The following RUSC2 variants were observed in gnomAD, a reference collection of about 807,000 sequenced individuals.
RUSC2 encodes AP-4 complex accessory subunit RUSC2.
In RUSC2, 34 loss-of-function variants were observed where a neutral mutation model predicts 122.2. That is an observed-to-expected ratio of 0.28 (90% confidence interval 0.21 to 0.37). The LOEUF (loss-of-function observed/expected upper bound fraction) is 0.37. Among genes scored for constraint, RUSC2 ranks in the 10% least tolerant of loss-of-function variants. The probability of loss-of-function intolerance (pLI) is 1.00; values close to 1 mark genes in which losing one functional copy is unlikely to be tolerated. For missense variants in RUSC2, 1,747 were observed against 1,952.4 expected, an observed-to-expected ratio of 0.89 and a Z score of 1.98; for synonymous variants, 784 against 790.0, an observed-to-expected ratio of 0.99 and a Z score of 0.13.
chr9:35,517,210 G>A (rs1359383120), intron 1 of RUSC2, among the ~76,000 whole-genome samples: 1 of 152,206 alleles, frequency 6.6e-6, no homozygotes, highest in East Asian at 1.9e-4. Flanking sequence ...TTGAATCCCA[G>A]GGTAGAGACT....
intron 1 of RUSC2, among the ~76,000 whole-genome samples, chr9:35,498,047 G>C (rs1428415418): frequency 1.3e-5 from 2 of 152,098 alleles, no homozygotes; most frequent in Non-Finnish European, 2.9e-5. Flanking sequence ...ACTAAAAAAT[G>C]CTTAGGGTAT....
At chr9:35,517,280 TCC>T (rs2132512473) in intron 1 of RUSC2, among the ~76,000 whole-genome samples, 1 of 152,308 alleles carries the variant, frequency 6.6e-6, no homozygotes, top group Admixed American at 6.5e-5. Context: ...CTTCGGGAGT[TCC>T]AGAGACCTGG....
chr9:35,504,735 A>G (rs1820880764), intron 1 of RUSC2, among the ~76,000 whole-genome samples: 1 of 152,154 alleles, frequency 6.6e-6, no homozygotes, highest in Admixed American at 6.5e-5. Context: ...GAAGTGCTGG[A>G]ATTATAGGCA....
rs374804820 is a variant in RUSC2 at position 35,558,395 on chromosome 9, G to A, written c.3235+24G>A. The A allele has an allele frequency of 6.2e-7, 1 of 1,613,848 alleles. No individual in the cohort carries two copies. Among genetic ancestry groups the A allele is most frequent in the African/African-American group, 1.3e-5 (1 of 75,006 alleles). Reference sequence around the variant, plus strand: ...AGGTAGGTGCTGGGTGCCAAGACGGGGACCCAGGGCTGAATTTAGGGCTCC... The same window carrying A: ...AGGTAGGTGCTGGGTGCCAAGACGGAGACCCAGGGCTGAATTTAGGGCTCC... On this transcript the variant is annotated intron_variant, in intron 7 of 11. Coordinates refer to ENST00000361226, the MANE Select transcript of RUSC2 (RefSeq NM_014806.5). The surrounding 1 kb of genome is among the most constrained non-coding windows in gnomAD (Gnocchi z 4.3).
chr9:35,494,030 G>GTTTA (rs746701399), intron 1 of RUSC2, among the ~76,000 whole-genome samples: 39 of 151,878 alleles, frequency 2.6e-4, no homozygotes, highest in East Asian at 7.7e-4. Context: ...TTATGTTTAT[G>GTTTA]TTTATTTATT....
chr9:35,507,651 A>G, intron 1 of RUSC2: 1 of 233,114 alleles, frequency 4.3e-6, no homozygotes, highest in South Asian at 6.6e-5. Flanking sequence ...CAAGAAGGGC[A>G]AGGATTCTCT....
At chr9:35,508,056 T>C (rs1468793585) in intron 1 of RUSC2, among the ~76,000 whole-genome samples, 2 of 152,198 alleles carry the variant, frequency 1.3e-5, no homozygotes, top group African/African-American at 4.8e-5. Context: ...ATTACTCTCT[T>C]CTACCTCTCA....
At chr9:35,514,157 A>G (rs1002804245) in intron 1 of RUSC2, among the ~76,000 whole-genome samples, 2 of 152,030 alleles carry the variant, frequency 1.3e-5, no homozygotes, top group Admixed American at 6.6e-5. Flanking sequence ...GCCCCATGAA[A>G]CTTGCTGTCT....
At chr9:35,517,225 G>T (rs1169062584) in intron 1 of RUSC2, among the ~76,000 whole-genome samples, 1 of 152,204 alleles carries the variant, frequency 6.6e-6, no homozygotes, top group African/African-American at 2.4e-5. Flanking sequence ...GAGACTTACA[G>T]AAAAAGTAGG....
chr9:35,540,001 G>C (rs1031276329), intron 1 of RUSC2, among the ~76,000 whole-genome samples: 6 of 152,218 alleles, frequency 3.9e-5, no homozygotes, highest in African/African-American at 1.4e-4. Flanking sequence ...CTGGCAGAAA[G>C]ACACTGATGA....
rs781513094 is a variant in RUSC2 at position 35,548,495 on chromosome 9, C to A, written c.1974C>A (p.Ala658=). 3.1e-6 allele frequency: 5 copies of A among 1,613,630 alleles called. No individual in the cohort carries two copies. The South Asian group carries it at 5.5e-5, about 18-fold the overall frequency. ...DPGPALPGSP[A]NSHTQRDARA... is the part of the protein sequence containing the mutation. ...GGCCTGCTCTCCCAGGGAGCCCAGC[C>A]AACAGCCATACCCAGAGGGATGCAA... The change falls in exon 2 of 12, where the codon GCC becomes GCA. Residue 658 remains alanine (A), a synonymous_variant. Transcript: ENST00000361226. This position sits in a 1 kb window ranked among gnomAD's most constrained non-coding sequence, Gnocchi z 4.5.
rs1431065499 is a variant in RUSC2, at chr9:35,546,773, C to G, written c.252C>G (p.Thr84=). The G allele has an allele frequency of 1.2e-6, 2 of 1,604,214 alleles. No homozygotes were observed. The highest frequency in any genetic ancestry group is 3.4e-5 in the Admixed American group (2 of 58,922). The change falls in exon 2 of 12, where the codon ACC becomes ACG. Residue 84 remains threonine, a synonymous_variant. Coordinates refer to ENST00000361226, the MANE Select transcript of RUSC2 (RefSeq NM_014806.5). The surrounding 1 kb of genome is among the most constrained non-coding windows in gnomAD (Gnocchi z 4.3). ...GAACTGCACGGTCTATAGACAGCAC[C>G]AAGAGTAGGAGTCGGGATGGAAGAG... The part of the protein sequence containing the change: ...PGGTARSIDS[T]KSRSRDGRGP...
At chr9:35,515,582 C>T (rs1173874137) in intron 1 of RUSC2, among the ~76,000 whole-genome samples, 1 of 152,008 alleles carries the variant, frequency 6.6e-6, no homozygotes, top group Non-Finnish European at 1.5e-5. Context: ...ATTGCAAGCC[C>T]AACTTCTCTA....
intron 1 of RUSC2, among the ~76,000 whole-genome samples, chr9:35,531,215 C>T (rs1487008239): frequency 6.6e-6 from 1 of 151,920 alleles, no homozygotes; most frequent in Non-Finnish European, 1.5e-5. Flanking sequence ...GAGCTGAGAT[C>T]GCACCACTGC....
In RUSC2 at chr9:35,560,771, A is replaced by G; in HGVS notation, c.4131A>G (p.Ser1377=). The G allele has an allele frequency of 6.5e-7, 1 of 1,537,856 alleles. No individual in the cohort carries two copies. Among genetic ancestry groups the G allele is most frequent in the Non-Finnish European group, 8.7e-7 (1 of 1,145,308 alleles). Residue 1377 remains serine (S), a synonymous_variant, in exon 10 of 12, where the codon TCA becomes TCG. Coordinates refer to ENST00000361226, the MANE Select transcript of RUSC2 (RefSeq NM_014806.5). ...CAGCAGAAAATGAGGAAGGGGCCTC[A>G]GAGCCTTCACCTGGAGGCATCAAGT... ...ASPAENEEGA[S]EPSPGGIKWG... is the part of the protein sequence containing the mutation.
Position 35,557,786 on chromosome 9 carries a change from C to A in RUSC2, c.2984-128C>A. 1 of 757,118 alleles carries A rather than the reference C, an allele frequency of 1.3e-6. No homozygotes were observed. The highest frequency in any genetic ancestry group is 1.5e-5 in the South Asian group (1 of 66,314). 46.9% of individuals were successfully genotyped at this position (757,118 alleles called of 1,614,324 possible). ...GCCAGGCCTGAATGTTTTGATAAGA[C>A]CCATGTGCAGATGTGGAGACGGAGT... On this transcript the variant is annotated intron_variant, in intron 5 of 11. Coordinates refer to ENST00000361226, the MANE Select transcript of RUSC2 (RefSeq NM_014806.5). This position sits in a 1 kb window ranked among gnomAD's most constrained non-coding sequence, Gnocchi z 4.6.
chr9:35,522,390 G>A (rs1436839090), intron 1 of RUSC2, among the ~76,000 whole-genome samples: 1 of 152,226 alleles, frequency 6.6e-6, no homozygotes, highest in Non-Finnish European at 1.5e-5. Flanking sequence ...TAAGGAGAGG[G>A]AATTGGAGTG....
At chr9:35,537,702 TG>T (rs1427590574) in intron 1 of RUSC2, among the ~76,000 whole-genome samples, 1 of 152,238 alleles carries the variant, frequency 6.6e-6, no homozygotes, top group Admixed American at 6.5e-5. Flanking sequence ...GTTATGGTCT[TG>T]GCCAGTGGTT....
At chr9:35,515,933 A>G (rs1821092073) in intron 1 of RUSC2, among the ~76,000 whole-genome samples, 1 of 137,420 alleles carries the variant, frequency 7.3e-6, no homozygotes, top group Non-Finnish European at 1.5e-5. Context: ...TGGGAGGCAG[A>G]GGTTGTAGTG....
Sources: allele counts gnomAD v4.1 joint callset (sites outside exome capture counted in the v4.1 genomes callset), GRCh38; gene constraint gnomAD v4.1.1; non-coding constraint Gnocchi (gnomAD v3.1); transcripts MANE v1.5; gene names NCBI Gene and HGNC (gene_info 2026-07-23, HGNC 2026-07-21).